MRTFA: variants seen among roughly 807,000 people sequenced by gnomAD.
The protein encoded by MRTFA is myocardin-related transcription factor A.
In MRTFA, 20 loss-of-function variants were observed where a neutral mutation model predicts 83.5. That is an observed-to-expected ratio of 0.24 (90% CI 0.17 to 0.35). The LOEUF (loss-of-function observed/expected upper bound fraction) is 0.35, where lower values mean the gene tolerates loss of function less well. Among genes scored for constraint, MRTFA ranks in the 10% least tolerant of loss-of-function variants. The pLI is 1.00. For synonymous variants in MRTFA, 659 were observed against 541.2 expected (o/e 1.22, Z -3.02); for missense variants, 1,200 against 1,224.7 (o/e 0.98, Z 0.30).
chr22:40,427,671 A>G (rs1232698499), intron 7 of MRTFA, among the ~76,000 whole-genome samples: 1 of 152,186 alleles, frequency 6.6e-6, no homozygotes, highest in Non-Finnish European at 1.5e-5. Context: ...AGAGCAGCTA[A>G]AACCCTTGGA....
intron 3 of MRTFA, among the ~76,000 whole-genome samples, chr22:40,502,665 G>C (rs1471071591): frequency 2.7e-5 from 4 of 150,644 alleles, no homozygotes; most frequent in Non-Finnish European, 4.4e-5. Flanking sequence ...GCCGGGCAGA[G>C]GCTGCAATCT....
intron 2 of MRTFA, chr22:40,587,808 C>T (rs1569341283): frequency 5.9e-6 from 2 of 338,542 alleles, no homozygotes; most frequent in Non-Finnish European, 1.2e-5. Flanking sequence ...CCCCAAGATT[C>T]AGCACTGGTC....
intron 3 of MRTFA, among the ~76,000 whole-genome samples, chr22:40,535,223 A>C (rs2055147425): frequency 6.6e-6 from 1 of 152,124 alleles, no homozygotes; most frequent in African/African-American, 2.4e-5. Flanking sequence ...TTCAACTTTG[A>C]GTCTACATGA....
At chr22:40,417,957 G>A (rs1349328976) in intron 12 of MRTFA, among the ~76,000 whole-genome samples, 1 of 152,158 alleles carries the variant, frequency 6.6e-6, no homozygotes, top group Non-Finnish European at 1.5e-5. Context: ...CCTTGGTGGG[G>A]ACAGCTAGCC....
chr22:40,581,304 T>C (rs1275252822), intron 2 of MRTFA, among the ~76,000 whole-genome samples: 3 of 152,214 alleles, frequency 2.0e-5, no homozygotes, highest in African/African-American at 4.8e-5. Flanking sequence ...CACGTGTACA[T>C]GTTTCCTTTT....
chr22:40,496,047 C>T (rs2054349346), intron 3 of MRTFA, among the ~76,000 whole-genome samples: 1 of 150,818 alleles, frequency 6.6e-6, no homozygotes, highest in East Asian at 1.9e-4. Flanking sequence ...TCCCGGGCCA[C>T]AGAATGAGAC....
chr22:40,487,649 TG>T (rs2054195045), intron 3 of MRTFA, among the ~76,000 whole-genome samples: 1 of 152,380 alleles, frequency 6.6e-6, no homozygotes, highest in East Asian at 1.9e-4. Flanking sequence ...CACTATCTCC[TG>T]GTCCAACATA....
Position 40,502,164 on chromosome 22 carries a change from C to A in MRTFA, c.242-38878G>T, listed in dbSNP as rs2054498324. On this transcript the variant is annotated intron_variant, in intron 3 of 14. Transcript: ENST00000355630. ...CGGCTGGCCGGGCGGGGGGCTGACCCCCCCCACCTCCCTCCCGGACGGGGT... is the reference window on the plus strand; with the variant it reads ...CGGCTGGCCGGGCGGGGGGCTGACCACCCCCACCTCCCTCCCGGACGGGGT... Among the ~76,000 whole-genome samples, 6 of 146,176 alleles carry A rather than the reference C, an allele frequency of 4.1e-5. No homozygotes were observed. The South Asian group carries it at 8.6e-4, about 21-fold the overall frequency.
chr22:40,417,116 TG>T (rs2052698514), intron 13 of MRTFA, 70 bp from the exon 14 acceptor site: 1 of 1,498,050 alleles, frequency 6.7e-7, no homozygotes, highest in Non-Finnish European at 9.0e-7. Flanking sequence ...GAACTACGAA[TG>T]AGGCCCCTCC....
intron 3 of MRTFA, among the ~76,000 whole-genome samples, chr22:40,535,798 C>T (rs1295658852): frequency 6.6e-6 from 1 of 152,148 alleles, no homozygotes; most frequent in Non-Finnish European, 1.5e-5. Flanking sequence ...GGCTGTCTCC[C>T]TCCTGCCAAA....
At chr22:40,468,787 T>C (rs913455367) in intron 3 of MRTFA, among the ~76,000 whole-genome samples, 1 of 152,154 alleles carries the variant, frequency 6.6e-6, no homozygotes, top group African/African-American at 2.4e-5. Context: ...TCAAAAATCT[T>C]TTCTCTTCCC....
chr22:40,514,350 T>C (rs914650424), intron 3 of MRTFA, among the ~76,000 whole-genome samples: 1 of 152,076 alleles, frequency 6.6e-6, no homozygotes. Context: ...TTCAGGAATG[T>C]GGATATGAAA....
chr22:40,520,254 TA>T (rs1317522766), intron 3 of MRTFA, among the ~76,000 whole-genome samples: 6 of 152,210 alleles, frequency 3.9e-5, no homozygotes, highest in Non-Finnish European at 7.3e-5. Flanking sequence ...TTATCGCAAC[TA>T]ATTCCAGAAC....
chr22:40,566,702 G>A (rs980335934), intron 2 of MRTFA, among the ~76,000 whole-genome samples: 3 of 152,226 alleles, frequency 2.0e-5, no homozygotes, highest in African/African-American at 7.2e-5. Context: ...GCATGGTGGC[G>A]AGTGCCTGCA....
At chr22:40,635,783 T>C (rs900627930) in intron 1 of MRTFA, among the ~76,000 whole-genome samples, 4 of 152,208 alleles carry the variant, frequency 2.6e-5, no homozygotes, top group Non-Finnish European at 4.4e-5. Context: ...CCGTATGCGA[T>C]TGGTGCTATT....
intron 3 of MRTFA, among the ~76,000 whole-genome samples, chr22:40,501,787 C>G (rs1244250291): frequency 1.6e-5 from 1 of 62,150 alleles, no homozygotes; most frequent in Non-Finnish European, 3.2e-5. Context: ...CCAGACGGGG[C>G]GGCTGGCCGG....
chr22:40,485,942 A>G (rs2054168103), intron 3 of MRTFA, among the ~76,000 whole-genome samples: 1 of 152,212 alleles, frequency 6.6e-6, no homozygotes, highest in African/African-American at 2.4e-5. Context: ...TGTTCTTGCT[A>G]GAGCACAGCC....
chr22:40,502,556 C>T (rs1267148900), intron 3 of MRTFA, among the ~76,000 whole-genome samples: 1 of 144,256 alleles, frequency 6.9e-6, no homozygotes, highest in Non-Finnish European at 1.5e-5. Context: ...GGAGACGCTC[C>T]TCACTTTCCA....
intron 6 of MRTFA, among the ~76,000 whole-genome samples, chr22:40,430,860 C>CAA (rs1171650702): frequency 0.012 from 428 of 34,660 alleles, 8 homozygotes; most frequent in Middle Eastern, 0.03. Flanking sequence ...GACTCCATCA[C>CAA]AAAAAAAAAA....
Sources: allele counts gnomAD v4.1 joint callset (sites outside exome capture counted in the v4.1 genomes callset), GRCh38; gene constraint gnomAD v4.1.1; transcripts MANE v1.5; gene names NCBI Gene and HGNC (gene_info 2026-07-23, HGNC 2026-07-21).